The following PIK3CD variants were observed in gnomAD, a reference collection of about 807,000 sequenced individuals.
The protein encoded by PIK3CD is phosphatidylinositol-4,5-bisphosphate 3-kinase catalytic subunit delta.
PIK3CD carries 20 observed loss-of-function variants against 122.9 expected under a neutral mutation model. The ratio of observed to expected loss-of-function variants is 0.16; its 90% confidence interval spans 0.11 to 0.24. The LOEUF (loss-of-function observed/expected upper bound fraction) is 0.24. Among genes scored for constraint, PIK3CD ranks in the 10% least tolerant of loss-of-function variants. The pLI is 1.00. For synonymous variants in PIK3CD, 596 were observed against 593.4 expected, an observed-to-expected ratio of 1.00 and a Z score of -0.06; for missense variants, 787 against 1,406.3, an observed-to-expected ratio of 0.56 and a Z score of 7.04.
intron 23 of PIK3CD, among the ~76,000 whole-genome samples, chr1:9,725,227 G>A (rs1158841827): frequency 1.3e-5 from 2 of 152,258 alleles, no homozygotes; most frequent in African/African-American, 4.8e-5. Context: ...CCACTAGGGG[G>A]CCGCGTGAGC....
chr1:9,669,448 G>A (rs1021702027), intron 1 of PIK3CD, among the ~76,000 whole-genome samples: 20 of 152,160 alleles, frequency 1.3e-4, no homozygotes, highest in African/African-American at 4.6e-4. Context: ...TGCCCAAGAC[G>A]ATTGGGTTAC....
rs1644701465 is a variant in PIK3CD, at chr1:9,652,340, T to C, written c.-138+538T>C. ...TGCGCACAGTTCGCCGGCGCCCGGG[T>C]CCTGTGCGCCCTTCCCAGCCTGGGC... On this transcript the variant is annotated intron_variant, in intron 1 of 23. Coordinates refer to ENST00000377346, the MANE Select transcript of PIK3CD (RefSeq NM_005026.5). The surrounding 1 kb of genome is among the most constrained non-coding windows in gnomAD (Gnocchi z 6.2). Among the ~76,000 whole-genome samples the C allele has an allele frequency of 6.6e-6, 1 of 151,866 alleles. No individual in the cohort carries two copies. The highest frequency in any genetic ancestry group is 2.1e-4 in the South Asian group (1 of 4,796).
At chr1:9,675,741 C>T (rs937424546) in intron 1 of PIK3CD, among the ~76,000 whole-genome samples, 1 of 146,776 alleles carries the variant, frequency 6.8e-6, no homozygotes, top group African/African-American at 2.5e-5. Flanking sequence ...GACTTCCAGG[C>T]AGAGTTCCTT....
At chr1:9,690,538 G>T (rs753960725) in intron 1 of PIK3CD, among the ~76,000 whole-genome samples, 7 of 152,198 alleles carry the variant, frequency 4.6e-5, no homozygotes, top group Non-Finnish European at 1.0e-4. Flanking sequence ...TCTGGTGGCA[G>T]TGCCTTGCGA....
chr1:9,679,813 T>C lies in PIK3CD; in HGVS notation c.-137-11654T>C, dbSNP rs577536286. Reference sequence around the variant, plus strand: ...ACAATGCAATGGTTTTTTGTTGCTGTTGTTGTTATTGTTTTCGTTTTTATT... The same window carrying C: ...ACAATGCAATGGTTTTTTGTTGCTGCTGTTGTTATTGTTTTCGTTTTTATT... On this transcript the variant is annotated intron_variant, in intron 1 of 23. Coordinates refer to ENST00000377346, the MANE Select transcript of PIK3CD (RefSeq NM_005026.5). 4.6e-5 allele frequency among the ~76,000 whole-genome samples: 7 copies of C among 152,314 alleles called. No homozygotes were observed. The Middle Eastern group carries it at 0.01, about 222-fold the overall frequency.
At chr1:9,636,885 T>TTTTTC in the PIK3CD span, among the ~76,000 whole-genome samples, 54 of 150,082 alleles carry the variant, frequency 3.6e-4, no homozygotes, top group East Asian at 1.0e-3. Context: ...TGGTTTCTTT[T>TTTTTC]TTTTCTTTTC....
Position 9,716,099 on chromosome 1 carries a change from C to A in PIK3CD, c.600+21C>A, listed in dbSNP as rs552411672. 1.0e-5 allele frequency: 16 copies of A among 1,583,648 alleles called. No individual in the cohort carries two copies. In the East Asian group the frequency reaches 2.2e-4, roughly 22 times the overall value. On this transcript the variant is annotated intron_variant, in intron 5 of 23. Coordinates refer to ENST00000377346, the MANE Select transcript of PIK3CD (RefSeq NM_005026.5). ...GCGAGGTGAGCCCATGCGTGGCCTG[C>A]GGCATCCAGGCTGCTCTGTCCATGG...
In PIK3CD at chr1:9,718,745, G is replaced by T. The variant is rs763569477; in HGVS notation, c.1072G>T (p.Val358Leu). ...CGGCAACGAGATGCTGTGCAAGACG[G>T]TGTCCAGCTCGGAGGTGAGCGTGTG... Reference protein sequence around the residue: ...FHGNEMLCKTVSSSEVSVCSE... With the variant: ...FHGNEMLCKTLSSSEVSVCSE... Residue 358 changes from valine to leucine, a missense_variant, in exon 9 of 24, where the codon GTG (valine) becomes TTG (leucine). Val to Leu is a conservative substitution (Grantham distance 32, BLOSUM62 1). Coordinates refer to ENST00000377346, the MANE Select transcript of PIK3CD (RefSeq NM_005026.5). The surrounding 1 kb of genome is among the most constrained non-coding windows in gnomAD (Gnocchi z 7.2). The T allele has an allele frequency of 5.0e-6, 8 of 1,609,488 alleles. No homozygotes were observed. The highest frequency in any genetic ancestry group is 6.8e-6 in the Non-Finnish European group (8 of 1,179,906).
intron 2 of PIK3CD, among the ~76,000 whole-genome samples, chr1:9,697,186 A>ATGTT (rs1646453265): frequency 6.6e-6 from 1 of 152,108 alleles, no homozygotes; most frequent in Non-Finnish European, 1.5e-5. Context: ...AGCCTGGGCA[A>ATGTT]CATAGCAAGA....
At chr1:9,706,065 T>C (rs2100706563) in intron 2 of PIK3CD, among the ~76,000 whole-genome samples, 1 of 148,962 alleles carries the variant, frequency 6.7e-6, no homozygotes, top group South Asian at 2.1e-4. Context: ...TTTTTTTTTT[T>C]TTTTTTTTTG....
intron 23 of PIK3CD, among the ~76,000 whole-genome samples, chr1:9,725,756 A>G (rs1649456113): frequency 6.6e-6 from 1 of 151,046 alleles, no homozygotes; most frequent in Non-Finnish European, 1.5e-5. Context: ...ACGCACCTGT[A>G]ATCCCAGCTA....
chr1:9,683,032 T>G (rs1181899054), intron 1 of PIK3CD, among the ~76,000 whole-genome samples: 1 of 143,626 alleles, frequency 7.0e-6, no homozygotes, highest in Non-Finnish European at 1.5e-5. Context: ...GATTGGGCCC[T>G]GGACCTTTTT....
chr1:9,722,718 G>T lies in PIK3CD; in HGVS notation c.2426+112G>T. ...CATGACCATCTCAGCCGGGGAAAGG[G>T]CTTTCCTAGGAAGACCCGGAGGCGG... is the stretch of plus-strand genomic sequence containing the variant. On this transcript the variant is annotated intron_variant, in intron 19 of 23. Coordinates refer to ENST00000377346, the MANE Select transcript of PIK3CD (RefSeq NM_005026.5). This position sits in a 1 kb window ranked among gnomAD's most constrained non-coding sequence, Gnocchi z 7.6. 1 of 938,534 alleles carries T rather than the reference G, an allele frequency of 1.1e-6. No homozygotes were observed. Among genetic ancestry groups the T allele is most frequent in the Non-Finnish European group, 1.7e-6 (1 of 585,748 alleles). The allele number at this position is 938,534 out of a possible 1,614,324, so 58.1% of individuals were successfully genotyped here.
intron 1 of PIK3CD, among the ~76,000 whole-genome samples, chr1:9,683,887 TCTGGTAC>T: frequency 6.6e-6 from 1 of 152,252 alleles, no homozygotes; most frequent in Non-Finnish European, 1.5e-5. Context: ...ATCACTCATG[TCTGGTAC>T]CTGGGTGGGA....
chr1:9,674,268 C>T (rs1286286491), intron 1 of PIK3CD, among the ~76,000 whole-genome samples: 7 of 152,160 alleles, frequency 4.6e-5, no homozygotes, highest in Non-Finnish European at 7.4e-5. Context: ...GGAGCTTTGC[C>T]GTTTGCCAGC....
chr1:9,715,789 C>T lies in PIK3CD; in HGVS notation c.370+20C>T, dbSNP rs370926559. The T allele has an allele frequency of 3.8e-5, 61 of 1,612,420 alleles. No individual in the cohort carries two copies. In the African/African-American group the frequency reaches 5.1e-4, roughly 13 times the overall value. ...GCAAAGGTAGCTCTGCCGAGTGGGC[C>T]GTGTGGCCGGGCTGGCCCTGCCTGC... On this transcript the variant is annotated intron_variant, in intron 4 of 23. Transcript: ENST00000377346. This position sits in a 1 kb window ranked among gnomAD's most constrained non-coding sequence, Gnocchi z 4.1.
intron 5 of PIK3CD, 68 bp from the exon 6 acceptor site, chr1:9,716,372 C>A: frequency 2.0e-6 from 3 of 1,504,034 alleles, no homozygotes; most frequent in Non-Finnish European, 2.8e-6. Context: ...AAATAGGCAA[C>A]CCTGCCCTGT....
intron 1 of PIK3CD, among the ~76,000 whole-genome samples, chr1:9,674,810 T>G (rs561840634): frequency 6.6e-6 from 1 of 151,590 alleles, no homozygotes; most frequent in Non-Finnish European, 1.5e-5. Context: ...GGTGGGCAGA[T>G]TGCTTGAACT....
rs1649129380 is a variant in PIK3CD at position 9,724,184 on chromosome 1, G to A, written c.2718+92G>A. 1.9e-6 allele frequency: 3 copies of A among 1,613,166 alleles called. No homozygotes were observed. The highest frequency in any genetic ancestry group is 1.3e-5 in the African/African-American group (1 of 74,880). On this transcript the variant is annotated intron_variant, in intron 21 of 23. Coordinates refer to ENST00000377346, the MANE Select transcript of PIK3CD (RefSeq NM_005026.5). The surrounding 1 kb of genome is among the most constrained non-coding windows in gnomAD (Gnocchi z 7.3). ...TGCCTAGCACACAGCTCTGTGGCAGGGGTCCCCCAGCCCTGCTGGCTTCCT... is the reference window on the plus strand; with the variant it reads ...TGCCTAGCACACAGCTCTGTGGCAGAGGTCCCCCAGCCCTGCTGGCTTCCT...
Sources: gnomAD v4.1 joint callset for allele counts (sites outside exome capture counted in the v4.1 genomes callset) on GRCh38, gnomAD v4.1.1 for gene constraint, Gnocchi (gnomAD v3.1) non-coding constraint, MANE v1.5 for transcripts, NCBI Gene and HGNC (gene_info 2026-07-23, HGNC 2026-07-21) for gene names.